Variants in GABBR2 observed in about 807,000 individuals in gnomAD.
The protein encoded by GABBR2 is gamma-aminobutyric acid type B receptor subunit 2.
A neutral mutation model predicts 105.6 loss-of-function variants in GABBR2; 23 were observed. That is an observed-to-expected ratio of 0.22 (90% CI 0.16 to 0.31). GABBR2 has a LOEUF of 0.31. Ranked by LOEUF, GABBR2 falls within the 10% of genes least tolerant of loss-of-function variation. The probability of loss-of-function intolerance (pLI) is 1.00; values close to 1 mark genes in which losing one functional copy is unlikely to be tolerated. For missense variants in GABBR2, 734 were observed against 1,245.5 expected (o/e 0.59, Z 6.18); for synonymous variants, 478 against 499.7 (o/e 0.96, Z 0.58).
intron 1 of GABBR2, among the ~76,000 whole-genome samples, chr9:98,584,714 C>T (rs1829045099): frequency 6.6e-6 from 1 of 152,162 alleles, no homozygotes; most frequent in African/African-American, 2.4e-5. Flanking sequence ...AAGAAAATGT[C>T]AGAGTTAATA....
chr9:98,601,678 C>T (rs944688), intron 1 of GABBR2, among the ~76,000 whole-genome samples: 51,697 of 152,052 alleles, frequency 0.34, 9,271 homozygotes, highest in African/African-American at 0.47. Flanking sequence ...ACAACAAAGT[C>T]AGCTCTGTTA....
chr9:98,560,886 C>T (rs1828665348), intron 2 of GABBR2, among the ~76,000 whole-genome samples: 1 of 151,210 alleles, frequency 6.6e-6, no homozygotes, highest in South Asian at 2.1e-4. Context: ...ATCATGATAC[C>T]TCATAACTAA....
intron 13 of GABBR2, among the ~76,000 whole-genome samples, chr9:98,345,780 A>AAAATC (rs1165615899): frequency 6.6e-6 from 1 of 152,238 alleles, no homozygotes; most frequent in African/African-American, 2.4e-5. Context: ...CTAATATACA[A>AAAATC]AAATCACTTG....
intron 1 of GABBR2, among the ~76,000 whole-genome samples, chr9:98,613,600 G>T (rs577628711): frequency 6.6e-6 from 1 of 152,340 alleles, no homozygotes; most frequent in African/African-American, 2.4e-5. Flanking sequence ...TTTCTAAGGA[G>T]TCAATAACTG....
chr9:98,647,248 C>T (rs1451791871), intron 1 of GABBR2, among the ~76,000 whole-genome samples: 3 of 152,194 alleles, frequency 2.0e-5, no homozygotes, highest in African/African-American at 7.2e-5. Context: ...CAGGCCCATT[C>T]GTACATTGTC....
intron 1 of GABBR2, among the ~76,000 whole-genome samples, chr9:98,640,510 C>A (rs955715635): frequency 1.3e-5 from 2 of 152,284 alleles, no homozygotes; most frequent in East Asian, 1.9e-4. Context: ...CCAGAAACCA[C>A]CCTCCGTGAT....
chr9:98,349,344 G>GTTTTTTTTTTTTTT lies in GABBR2; in HGVS notation c.1893+13370_1893+13371insAAAAAAAAAAAAAA, dbSNP rs1564026872. On this transcript the variant is annotated intron_variant, in intron 13 of 18. Coordinates refer to ENST00000259455, the MANE Select transcript of GABBR2 (RefSeq NM_005458.8). ...TTTGGTTTGCCAATATTTTGTTGAA[G>GTTTTTTTTTTTTTT]TTTTGTTTTTTTTTTTTTTTTTTTT... Among the ~76,000 whole-genome samples the GTTTTTTTTTTTTTT allele has an allele frequency of 1.9e-5, 2 of 105,504 alleles. 1 individual carries two copies. Among genetic ancestry groups the GTTTTTTTTTTTTTT allele is most frequent in the African/African-American group, 8.0e-5 (2 of 24,916 alleles). The allele number at this position is 105,504 out of a possible 152,430, so 69.2% of individuals were successfully genotyped here.
At chr9:98,461,016 T>C (rs1826416255) in intron 6 of GABBR2, among the ~76,000 whole-genome samples, 1 of 152,236 alleles carries the variant, frequency 6.6e-6, no homozygotes, top group Admixed American at 6.5e-5. Flanking sequence ...AAGAAAATTA[T>C]AGGCCATCTA....
intron 1 of GABBR2, among the ~76,000 whole-genome samples, chr9:98,707,896 C>CA (rs1177862576): frequency 2.0e-5 from 3 of 152,252 alleles, no homozygotes; most frequent in African/African-American, 7.2e-5. Context: ...GGCGCCCAGC[C>CA]ACGCTGCACG....
At position 98,378,892 on chromosome 9, in the gene GABBR2, T is replaced by A. The variant is rs967374433; in HGVS notation, c.1662+6748A>T. Among the ~76,000 whole-genome samples, 30 of 152,192 alleles carry A rather than the reference T, an allele frequency of 2.0e-4. No individual in the cohort carries two copies. The South Asian group carries it at 3.1e-3, about 16-fold the overall frequency. On this transcript the variant is annotated intron_variant, in intron 11 of 18. Transcript: ENST00000259455. The stretch of plus-strand genomic sequence containing the variant: ...ACACTTATAATATACATACTTTTTT[T>A]AAGTAGAAAAGTAGATAAAAGAGTT...
At chr9:98,347,610 T>C (rs923775877) in intron 13 of GABBR2, among the ~76,000 whole-genome samples, 10 of 152,204 alleles carry the variant, frequency 6.6e-5, no homozygotes, top group Admixed American at 5.2e-4. Context: ...GTTTTTGTTG[T>C]CTGTGCTTTT....
At chr9:98,481,395 G>T (rs1477137814) in intron 4 of GABBR2, among the ~76,000 whole-genome samples, 1 of 152,238 alleles carries the variant, frequency 6.6e-6, no homozygotes, top group African/African-American at 2.4e-5. Context: ...ACTGAGGCCA[G>T]ATGAGGAGAA....
chr9:98,705,372 T>G (rs567248996), intron 1 of GABBR2, among the ~76,000 whole-genome samples: 1 of 152,354 alleles, frequency 6.6e-6, no homozygotes, highest in African/African-American at 2.4e-5. Flanking sequence ...GCTCCTTTAT[T>G]GAGACAGATT....
chr9:98,422,662 C>G (rs1832804018), intron 7 of GABBR2, among the ~76,000 whole-genome samples: 1 of 151,818 alleles, frequency 6.6e-6, no homozygotes, highest in Admixed American at 6.6e-5. Flanking sequence ...GCACAATGTG[C>G]AGGTTAGTTA....
chr9:98,379,364 G>A (rs945170181), intron 11 of GABBR2, among the ~76,000 whole-genome samples: 9 of 152,156 alleles, frequency 5.9e-5, no homozygotes, highest in Non-Finnish European at 1.3e-4. Context: ...TGCTTCCCAG[G>A]TTCAAGTGAT....
chr9:98,662,868 C>T (rs772911736), intron 1 of GABBR2, among the ~76,000 whole-genome samples: 12 of 152,204 alleles, frequency 7.9e-5, no homozygotes, highest in Admixed American at 1.3e-4. Context: ...CAAATCACAA[C>T]ACAGCCAGAC....
At chr9:98,541,307 G>T (rs1828298377) in intron 3 of GABBR2, among the ~76,000 whole-genome samples, 1 of 152,158 alleles carries the variant, frequency 6.6e-6, no homozygotes, top group Non-Finnish European at 1.5e-5. Context: ...GCATGATTCA[G>T]GTGGCTTAGG....
At chr9:98,487,044 C>T (rs939934801) in intron 4 of GABBR2, among the ~76,000 whole-genome samples, 4 of 152,224 alleles carry the variant, frequency 2.6e-5, no homozygotes, top group African/African-American at 9.6e-5. Flanking sequence ...GGGAATAGCC[C>T]ACAGCAGCCC....
At chr9:98,601,140 C>T (rs908848906) in intron 1 of GABBR2, among the ~76,000 whole-genome samples, 1 of 152,214 alleles carries the variant, frequency 6.6e-6, no homozygotes, top group African/African-American at 2.4e-5. Flanking sequence ...TGTCATAAAA[C>T]ACACAATTTC....
Sources: gnomAD v4.1 joint callset for allele counts (sites outside exome capture counted in the v4.1 genomes callset) on GRCh38, gnomAD v4.1.1 for gene constraint, MANE v1.5 for transcripts, NCBI Gene and HGNC (gene_info 2026-07-23, HGNC 2026-07-21) for gene names.